MAP7: variants seen among roughly 807,000 people sequenced by gnomAD.
MAP7 encodes microtubule associated protein 7.
Under a neutral mutation model 94.8 loss-of-function variants are expected in MAP7, and 52 were observed. The ratio of observed to expected loss-of-function variants is 0.55; its 90% CI spans 0.44 to 0.69. The LOEUF is 0.69. Among genes scored for constraint, MAP7 ranks in the 30% least tolerant of loss-of-function variants. The pLI, the probability that MAP7 is intolerant of heterozygous loss-of-function variation, is 0.00. For missense variants in MAP7, 940 were observed against 964.6 expected, an observed-to-expected ratio of 0.97 and a Z score of 0.34; for synonymous variants, 350 against 357.0, an observed-to-expected ratio of 0.98 and a Z score of 0.22.
intron 1 of MAP7, among the ~76,000 whole-genome samples, chr6:136,548,795 G>C (rs1394030255): frequency 6.6e-6 from 1 of 152,206 alleles, no homozygotes; most frequent in East Asian, 1.9e-4. Context: ...GAACAATGTT[G>C]TTTCACATGC....
intron 1 of MAP7, among the ~76,000 whole-genome samples, chr6:136,542,295 A>G (rs559383583): frequency 5.3e-4 from 80 of 152,196 alleles, no homozygotes; most frequent in Non-Finnish European, 1.1e-3. Flanking sequence ...CCTAAAACTG[A>G]ATTTTATAAA....
chr6:136,413,146 A>G (rs1215687895), intron 2 of MAP7, among the ~76,000 whole-genome samples: 3 of 152,076 alleles, frequency 2.0e-5, no homozygotes, highest in African/African-American at 7.2e-5. Context: ...TGGGCAACAG[A>G]GCAAGACTCT....
At chr6:136,370,145 T>A (rs1260477563) in intron 8 of MAP7, among the ~76,000 whole-genome samples, 2 of 152,174 alleles carry the variant, frequency 1.3e-5, no homozygotes, top group Non-Finnish European at 2.9e-5. Flanking sequence ...CGATGACACA[T>A]GAAAAGCCAA....
chr6:136,380,641 T>C (rs1777487178), intron 6 of MAP7, among the ~76,000 whole-genome samples: 1 of 152,236 alleles, frequency 6.6e-6, no homozygotes, highest in Non-Finnish European at 1.5e-5. Flanking sequence ...AGCTTAAAGA[T>C]AATAATATAT....
chr6:136,482,614 A>AAC (rs371789328), intron 1 of MAP7, among the ~76,000 whole-genome samples: 2 of 150,004 alleles, frequency 1.3e-5, no homozygotes, highest in Admixed American at 6.7e-5. Context: ...AAAAAAAAAA[A>AAC]CAGACGCATG....
chr6:136,356,642 T>C, intron 16 of MAP7, 50 bp downstream of exon 16: 1 of 1,405,132 alleles, frequency 7.1e-7, no homozygotes. Context: ...GTGGAGCTGG[T>C]GGGTAAAAAC....
chr6:136,547,807 C>T (rs1829846581), intron 1 of MAP7, among the ~76,000 whole-genome samples: 1 of 152,034 alleles, frequency 6.6e-6, no homozygotes, highest in African/African-American at 2.4e-5. Flanking sequence ...ACTGTCAATT[C>T]ATCTTTGATA....
chr6:136,540,310 G>A (rs1391858721), intron 1 of MAP7, among the ~76,000 whole-genome samples: 1 of 152,136 alleles, frequency 6.6e-6, no homozygotes, highest in African/African-American at 2.4e-5. Flanking sequence ...GGGGTCACTA[G>A]AAAGATCTCT....
intron 1 of MAP7, among the ~76,000 whole-genome samples, chr6:136,540,119 G>C (rs1410091999): frequency 6.6e-6 from 1 of 152,148 alleles, no homozygotes; most frequent in African/African-American, 2.4e-5. Context: ...TACCAGCTGG[G>C]CCTTGGGCAC....
rs116184866 is a variant in MAP7 at position 136,445,762 on chromosome 6, A to G, written c.68-23963T>C. ...TATTCATGGAAGACATACAGGAGGCACACTCATCTATATTTTCCAAAATCT... is the reference window on the plus strand; with the variant it reads ...TATTCATGGAAGACATACAGGAGGCGCACTCATCTATATTTTCCAAAATCT... On this transcript the variant is annotated intron_variant, in intron 1 of 17. Coordinates refer to ENST00000354570, the MANE Select transcript of MAP7 (RefSeq NM_003980.6). Among the ~76,000 whole-genome samples the G allele has an allele frequency of 4.2e-3, 634 of 152,354 alleles. 5 individuals are homozygous for G. The highest frequency in any genetic ancestry group is 0.015 in the African/African-American group (615 of 41,588).
chr6:136,418,361 C>T (rs1008555864), intron 2 of MAP7, among the ~76,000 whole-genome samples: 19 of 152,066 alleles, frequency 1.2e-4, no homozygotes, highest in African/African-American at 3.9e-4. Context: ...GTTATGGGCG[C>T]GCACTACCAT....
At chr6:136,433,382 T>C (rs1225883654) in intron 1 of MAP7, among the ~76,000 whole-genome samples, 1 of 152,224 alleles carries the variant, frequency 6.6e-6, no homozygotes, top group African/African-American at 2.4e-5. Flanking sequence ...CTGAGTATTA[T>C]TTACCTTCTT....
intron 1 of MAP7, chr6:136,466,862 A>G (rs1807288205): frequency 2.0e-6 from 3 of 1,531,676 alleles, no homozygotes; most frequent in South Asian, 1.2e-5. Flanking sequence ...TCAGCCAGGC[A>G]AAGACCAAAT....
At chr6:136,345,806 G>T in intron 17 of MAP7, 50 bp downstream of exon 17, 2 of 1,416,478 alleles carry the variant, frequency 1.4e-6, no homozygotes, top group Non-Finnish European at 2.0e-6. Flanking sequence ...TGTCCTCCTG[G>T]GTGTCAGATA....
chr6:136,422,425 A>G (rs747509951), intron 1 of MAP7, among the ~76,000 whole-genome samples: 1 of 152,136 alleles, frequency 6.6e-6, no homozygotes, highest in Non-Finnish European at 1.5e-5. Flanking sequence ...ATTCAAATTA[A>G]AAAAAATCAA....
At chr6:136,383,639 C>A in intron 6 of MAP7, 32 bp downstream of exon 6, 1 of 1,199,834 alleles carries the variant, frequency 8.3e-7, no homozygotes, top group Non-Finnish European at 1.2e-6. Flanking sequence ...AAGTAAATAA[C>A]AGACACTTTT....
intron 1 of MAP7, among the ~76,000 whole-genome samples, chr6:136,511,991 T>C (rs1823427518): frequency 6.6e-6 from 1 of 152,208 alleles, no homozygotes; most frequent in Non-Finnish European, 1.5e-5. Flanking sequence ...TCCAAGCCAA[T>C]GTCCTAGCCG....
chr6:136,433,488 CA>C (rs1198043317), intron 1 of MAP7, among the ~76,000 whole-genome samples: 1 of 152,232 alleles, frequency 6.6e-6, no homozygotes, highest in Admixed American at 6.5e-5. Context: ...CTGGAAAAGT[CA>C]GCCACTTCCA....
At chr6:136,434,572 T>A (rs199894408) in intron 1 of MAP7, among the ~76,000 whole-genome samples, 1 of 151,502 alleles carries the variant, frequency 6.6e-6, no homozygotes, top group African/African-American at 2.4e-5. Context: ...TTTATTTTTT[T>A]AAATCATCTT....
Sources: allele counts gnomAD v4.1 joint callset (sites outside exome capture counted in the v4.1 genomes callset), GRCh38; gene constraint gnomAD v4.1.1; transcripts MANE v1.5; gene names NCBI Gene and HGNC (gene_info 2026-07-23, HGNC 2026-07-21).